Variants in SLC35A1 observed in about 807,000 individuals in gnomAD.
The protein encoded by SLC35A1 is CMP-sialic acid transporter.
A neutral mutation model predicts 40.3 loss-of-function variants in SLC35A1; 21 were observed. That is an observed-to-expected ratio of 0.52 (90% confidence interval 0.37 to 0.75). The LOEUF (loss-of-function observed/expected upper bound fraction) is 0.75. SLC35A1 is among the 30% of genes least tolerant of loss of function. The pLI, the probability that SLC35A1 is intolerant of heterozygous loss-of-function variation, is 0.00. For synonymous variants in SLC35A1, 146 were observed against 147.3 expected (o/e 0.99, Z 0.06); for missense variants, 297 against 382.1 (o/e 0.78, Z 1.86).
intron 4 of SLC35A1, among the ~76,000 whole-genome samples, chr6:87,502,908 A>G (rs1413738319): frequency 6.6e-6 from 1 of 152,218 alleles, no homozygotes; most frequent in East Asian, 1.9e-4. Context: ...CATTGACACT[A>G]GAACTCAAAC....
Position 87,511,512 on chromosome 6 carries a change from G to A in SLC35A1, c.1000G>A (p.Val334Ile), listed in dbSNP as rs768492481. 11 of 1,613,900 alleles carry A rather than the reference G, an allele frequency of 6.8e-6. No homozygotes were observed. The East Asian group carries it at 2.5e-4, about 36-fold the overall frequency. ...QQGETASKER[V>I]IGV is the part of the protein sequence containing the mutation. ...AGGAGAAACAGCTTCAAAGGAGAGA[G>A]TTATTGGTGTGTGATTTTAGCCTCA... Residue 334 changes from valine (V) to isoleucine (I), a missense_variant, in exon 8 of 8, where the codon GTT becomes ATT. Coordinates refer to ENST00000369552, the MANE Select transcript of SLC35A1 (RefSeq NM_006416.5).
chr6:87,492,887 T>C (rs1398470063), intron 2 of SLC35A1, among the ~76,000 whole-genome samples: 1 of 152,134 alleles, frequency 6.6e-6, no homozygotes, highest in Non-Finnish European at 1.5e-5. Context: ...GCCTGCTAGG[T>C]TTCTCCACAT....
chr6:87,504,048 G>A (rs1290757512), intron 4 of SLC35A1, among the ~76,000 whole-genome samples: 3 of 152,018 alleles, frequency 2.0e-5, no homozygotes, highest in Non-Finnish European at 4.4e-5. Flanking sequence ...TATTTAGCTA[G>A]GTAGTCTAGG....
Position 87,498,075 on chromosome 6 carries a change from G to C in SLC35A1, c.195-2433G>C, listed in dbSNP as rs191144005. Among the ~76,000 whole-genome samples, 177 of 152,198 alleles carry C rather than the reference G, an allele frequency of 1.2e-3. 2 individuals are homozygous for C. The highest frequency in any genetic ancestry group is 4.2e-3 in the African/African-American group (173 of 41,534). ...TGGAGGTAAAGTGGCATTGCCCATA[G>C]CTGGGGATTAGGGAAAGGATAAATA... is the stretch of plus-strand genomic sequence containing the variant. On this transcript the variant is annotated intron_variant, in intron 2 of 7. Coordinates refer to ENST00000369552, the MANE Select transcript of SLC35A1 (RefSeq NM_006416.5).
intron 2 of SLC35A1, among the ~76,000 whole-genome samples, chr6:87,485,381 G>A (rs1309962923): frequency 6.6e-6 from 1 of 152,108 alleles, no homozygotes; most frequent in Non-Finnish European, 1.5e-5. Flanking sequence ...ACAATTTCAG[G>A]ATATTATGGG....
Position 87,511,863 on chromosome 6 carries a change from A to G in SLC35A1, c.*337A>G, listed in dbSNP as rs1425156846. 5 of 346,074 alleles carry G rather than the reference A, an allele frequency of 1.4e-5. No homozygotes were observed. The highest frequency in any genetic ancestry group is 2.1e-5 in the African/African-American group (1 of 46,984). 21.4% of individuals were successfully genotyped at this position (346,074 alleles called of 1,614,324 possible). A position where few individuals can be genotyped will look rare whatever the true frequency, so the allele number is the denominator to read the frequency against. ...TACTCAAGTAACAAGGTTTGGGACAATGTCTAAGGGTTAAAGTGCCAAAGC... is the reference window on the plus strand; with the variant it reads ...TACTCAAGTAACAAGGTTTGGGACAGTGTCTAAGGGTTAAAGTGCCAAAGC... On this transcript the variant is annotated 3_prime_UTR_variant, in exon 8 of 8. Transcript: ENST00000369552.
At chr6:87,484,759 G>A (rs1769348788) in intron 2 of SLC35A1, among the ~76,000 whole-genome samples, 1 of 152,128 alleles carries the variant, frequency 6.6e-6, no homozygotes, top group Admixed American at 6.5e-5. Flanking sequence ...GAGTGGAGAG[G>A]GTAATCGGAA....
chr6:87,506,523 T>G, intron 5 of SLC35A1, 75 bp downstream of exon 5: 1 of 1,140,062 alleles, frequency 8.8e-7, no homozygotes, highest in Admixed American at 1.7e-5. Context: ...CCAGTCTAGT[T>G]TATCTTGCTT....
intron 2 of SLC35A1, among the ~76,000 whole-genome samples, chr6:87,494,059 C>T: frequency 7.2e-6 from 1 of 138,566 alleles, no homozygotes; most frequent in Non-Finnish European, 1.5e-5. Flanking sequence ...GTGATGTACA[C>T]TGTACCCCAC....
At chr6:87,475,429 G>T (rs1228392022) in intron 1 of SLC35A1, among the ~76,000 whole-genome samples, 1 of 152,140 alleles carries the variant, frequency 6.6e-6, no homozygotes, top group African/African-American at 2.4e-5. Context: ...CCTTGTGTAG[G>T]AAAGTTTTAG....
chr6:87,491,653 AGACCAGTTG>A (rs1455078919), intron 2 of SLC35A1, among the ~76,000 whole-genome samples: 3 of 152,226 alleles, frequency 2.0e-5, no homozygotes, highest in African/African-American at 7.2e-5. Flanking sequence ...AAAATACCAT[AGACCAGTTG>A]GCTCAAGCAA....
At position 87,501,276 on chromosome 6, in the gene SLC35A1, T is replaced by C; in HGVS notation, c.473T>C (p.Val158Ala). The C allele has an allele frequency of 6.2e-7, 1 of 1,614,098 alleles. No individual in the cohort carries two copies. Among genetic ancestry groups the C allele is most frequent in the Non-Finnish European group, 8.5e-7 (1 of 1,179,982 alleles). Residue 158 changes from valine to alanine, a missense_variant, in exon 4 of 8, where the codon GTA becomes GCA. Physicochemically the swap from Val to Ala is moderately conservative, Grantham distance 64 (BLOSUM62 0). Transcript: ENST00000369552. The part of the protein sequence containing the change: ...VFMLCAGVTL[V>A]QWKPAQATKV... ...ATGCTGTGTGCTGGAGTTACGCTTG[T>C]ACAGTGGAAACCAGCCCAAGCTACA... is the stretch of plus-strand genomic sequence containing the variant.
intron 4 of SLC35A1, 146 bp from the exon 5 acceptor site, chr6:87,506,236 G>T: frequency 1.5e-6 from 1 of 669,742 alleles, no homozygotes; most frequent in Admixed American, 2.7e-5. Context: ...TTTTTGTTTA[G>T]TTGTCTTATT....
chr6:87,479,192 C>G (rs760612313), intron 2 of SLC35A1, among the ~76,000 whole-genome samples: 3 of 152,212 alleles, frequency 2.0e-5, no homozygotes, highest in Non-Finnish European at 4.4e-5. Context: ...TAACAATCCC[C>G]TCCTCTTGCA....
At chr6:87,486,353 T>C (rs1032056633) in intron 2 of SLC35A1, among the ~76,000 whole-genome samples, 11 of 152,176 alleles carry the variant, frequency 7.2e-5, no homozygotes, top group African/African-American at 2.4e-4. Flanking sequence ...CTTCCAAACA[T>C]TGGAAGCAAA....
intron 2 of SLC35A1, among the ~76,000 whole-genome samples, chr6:87,495,695 G>A (rs974044175): frequency 3.4e-5 from 5 of 147,656 alleles, no homozygotes; most frequent in African/African-American, 7.5e-5. Flanking sequence ...TAGCTCTGTC[G>A]CCCAGGCTGG....
At chr6:87,510,226 G>A (rs943537969) in intron 7 of SLC35A1, among the ~76,000 whole-genome samples, 1 of 152,162 alleles carries the variant, frequency 6.6e-6, no homozygotes, top group Non-Finnish European at 1.5e-5. Context: ...TCAGTATCAG[G>A]TACTTATAGG....
intron 2 of SLC35A1, among the ~76,000 whole-genome samples, chr6:87,485,788 T>G (rs1041804145): frequency 6.6e-6 from 1 of 151,962 alleles, no homozygotes; most frequent in Non-Finnish European, 1.5e-5. Flanking sequence ...TTAGAAGAAC[T>G]TAGATCCTGA....
At chr6:87,492,657 C>G (rs549637204) in intron 2 of SLC35A1, among the ~76,000 whole-genome samples, 447 of 151,222 alleles carry the variant, frequency 3.0e-3, no homozygotes, top group African/African-American at 0.01. Flanking sequence ...AAGCAATTCT[C>G]CTGCCTCAGC....
Sources: allele counts gnomAD v4.1 joint callset (sites outside exome capture counted in the v4.1 genomes callset), GRCh38; gene constraint gnomAD v4.1.1; transcripts MANE v1.5; gene names NCBI Gene and HGNC (gene_info 2026-07-23, HGNC 2026-07-21).